The following TTC3 variants were observed in gnomAD, a reference collection of about 807,000 sequenced individuals.
TTC3 encodes the protein tetratricopeptide repeat domain 3.
Under a neutral mutation model 249.6 loss-of-function variants are expected in TTC3, and 180 were observed. That is an observed-to-expected ratio of 0.72 (90% CI 0.64 to 0.82). The LOEUF is 0.82. Ranked by LOEUF, TTC3 falls within the 40% of genes least tolerant of loss-of-function variation. The probability of loss-of-function intolerance (pLI) is 0.00; values close to 1 mark genes in which losing one functional copy is unlikely to be tolerated. For missense variants in TTC3, 2,061 were observed against 2,398.4 expected (o/e 0.86, Z 2.94); for synonymous variants, 717 against 805.0 (o/e 0.89, Z 1.85).
rs146446431 is a variant in TTC3 at position 37,192,147 on chromosome 21, T to C, written c.5151T>C (p.Asn1717=). 9.3e-6 allele frequency: 15 copies of C among 1,608,064 alleles called. No homozygotes were observed. In the Middle Eastern group the frequency reaches 1.7e-3, roughly 177 times the overall value. ...AAGAACAAATTAAGGCAATTAAAAA[T>C]GGTTCTCGGCTCAGTGAACTTTCTA... The change falls in exon 41 of 46, where the codon AAT becomes AAC. Residue 1717 remains asparagine, a synonymous_variant. Coordinates refer to ENST00000355666, the Ensembl canonical transcript of TTC3.
chr21:37,095,286 G>T, intron 8 of TTC3, 64 bp from the exon 9 acceptor site: 5 of 982,298 alleles, frequency 5.1e-6, no homozygotes, highest in African/African-American at 1.6e-5. Context: ...ATTTTTACTA[G>T]GTATTGGGTT....
At chr21:37,180,278 C>T (rs998429477) in intron 35 of TTC3, among the ~76,000 whole-genome samples, 2 of 152,132 alleles carry the variant, frequency 1.3e-5, no homozygotes, top group South Asian at 4.1e-4. Flanking sequence ...GCATGCCATT[C>T]ATTTTTATAT....
intron 35 of TTC3, among the ~76,000 whole-genome samples, chr21:37,176,437 A>C (rs565872988): frequency 1.3e-5 from 2 of 152,320 alleles, no homozygotes; most frequent in African/African-American, 2.4e-5. Flanking sequence ...CATTGAGTCA[A>C]CATTAGGTCT....
At chr21:37,186,481 A>G (rs964552010) in intron 37 of TTC3, among the ~76,000 whole-genome samples, 2 of 152,172 alleles carry the variant, frequency 1.3e-5, no homozygotes, top group Non-Finnish European at 2.9e-5. Context: ...TTGCTCTGTC[A>G]CCCAGGCTGG....
At chr21:37,147,226 GA>G (rs2079056916) in intron 21 of TTC3, among the ~76,000 whole-genome samples, 2 of 152,002 alleles carry the variant, frequency 1.3e-5, no homozygotes, top group African/African-American at 2.4e-5. Context: ...ATTGTAACAG[GA>G]CAAAATTTTG....
At chr21:37,159,534 C>T in intron 28 of TTC3, 165 bp from the exon 29 acceptor site, 1 of 645,370 alleles carries the variant, frequency 1.5e-6, no homozygotes, top group Non-Finnish European at 2.6e-6. Context: ...CCCGTTTAGT[C>T]AGCCATTTTG....
intron 19 of TTC3, among the ~76,000 whole-genome samples, chr21:37,139,754 T>TG (rs1232115195): frequency 6.6e-6 from 1 of 152,168 alleles, no homozygotes; most frequent in East Asian, 1.9e-4. Context: ...TTATTAGAAT[T>TG]GAAGAAATCA....
chr21:37,135,430 T>C, exon 18 of TTC3: 1 of 1,614,102 alleles, frequency 6.2e-7, no homozygotes. Context: ...AAGATGGCTA[T>C]ATGGCCTTAT....
At chr21:37,108,970 C>T (rs1262381720) in intron 11 of TTC3, among the ~76,000 whole-genome samples, 1 of 151,998 alleles carries the variant, frequency 6.6e-6, no homozygotes, top group East Asian at 1.9e-4. Context: ...GCACATAATT[C>T]CTAAAGTAAA....
chr21:37,140,885 A>C (rs1216495437), intron 20 of TTC3, among the ~76,000 whole-genome samples: 1 of 152,214 alleles, frequency 6.6e-6, no homozygotes, highest in Non-Finnish European at 1.5e-5. Context: ...CTGATTTTAA[A>C]TCTAATAAGT....
intron 17 of TTC3, among the ~76,000 whole-genome samples, chr21:37,134,391 A>G (rs1406999647): frequency 6.6e-6 from 1 of 151,044 alleles, no homozygotes; most frequent in African/African-American, 2.4e-5. Context: ...TGGAGGTTGC[A>G]GTGAGCCGAG....
chr21:37,170,858 T>C (rs945523675), intron 34 of TTC3, among the ~76,000 whole-genome samples: 2 of 152,200 alleles, frequency 1.3e-5, no homozygotes, highest in Admixed American at 1.3e-4. Context: ...CATGTTAATA[T>C]TTTGATGTGT....
intron 1 of TTC3, among the ~76,000 whole-genome samples, chr21:37,073,884 A>G (rs552936890): frequency 1.3e-5 from 2 of 152,248 alleles, no homozygotes; most frequent in South Asian, 4.1e-4. Context: ...GCCTTCTGCA[A>G]TTGCGACCCC....
intron 41 of TTC3, among the ~76,000 whole-genome samples, chr21:37,192,835 C>T (rs1235357358): frequency 2.0e-5 from 3 of 152,078 alleles, no homozygotes; most frequent in Non-Finnish European, 4.4e-5. Context: ...ATATACACAG[C>T]ACAGTAAAGA....
chr21:37,092,897 A>G (rs2147701342), intron 7 of TTC3, among the ~76,000 whole-genome samples: 1 of 152,258 alleles, frequency 6.6e-6, no homozygotes, highest in Admixed American at 6.5e-5. Flanking sequence ...CTGCATCTTA[A>G]TTAGTTTATT....
intron 31 of TTC3, among the ~76,000 whole-genome samples, chr21:37,162,572 C>G (rs776759880): frequency 6.6e-6 from 1 of 151,968 alleles, no homozygotes; most frequent in Non-Finnish European, 1.5e-5. Flanking sequence ...GTAGCAGTAA[C>G]CTTTTTATAT....
At chr21:37,113,368 A>C (rs1207010211) in intron 11 of TTC3, among the ~76,000 whole-genome samples, 1 of 152,232 alleles carries the variant, frequency 6.6e-6, no homozygotes, top group Non-Finnish European at 1.5e-5. Flanking sequence ...AATGTGCAAA[A>C]ATCACAAGCA....
intron 39 of TTC3, among the ~76,000 whole-genome samples, chr21:37,190,385 A>G (rs1039330927): frequency 3.3e-5 from 5 of 150,940 alleles, no homozygotes; most frequent in Non-Finnish European, 7.4e-5. Context: ...CCGCCTGCCT[A>G]GGCCTCCCAA....
At chr21:37,088,743 C>G in intron 4 of TTC3, 56 bp from the exon 5 acceptor site, 1 of 1,485,772 alleles carries the variant, frequency 6.7e-7, no homozygotes, top group Non-Finnish European at 9.2e-7. Context: ...GCATAAAGTT[C>G]AATGAATTTG....
Sources: allele counts gnomAD v4.1 joint callset (sites outside exome capture counted in the v4.1 genomes callset), GRCh38; gene constraint gnomAD v4.1.1; transcripts MANE v1.5; gene names NCBI Gene and HGNC (gene_info 2026-07-23, HGNC 2026-07-21).